The following LINGO1 variants were observed in gnomAD, a reference collection of about 807,000 sequenced individuals.
The protein encoded by LINGO1 is leucine rich repeat and Ig domain containing 1.
Under a neutral mutation model 37.3 loss-of-function variants are expected in LINGO1, and 11 were observed. The observed-to-expected ratio is 0.29, with a 90% CI of 0.19 to 0.49. The LOEUF (loss-of-function observed/expected upper bound fraction) is 0.49. LINGO1 is among the 20% of genes least tolerant of loss of function. LINGO1 has a pLI of 0.99. For missense variants in LINGO1, 585 were observed against 878.2 expected, an observed-to-expected ratio of 0.67 and a Z score of 4.22; for synonymous variants, 387 against 403.0, an observed-to-expected ratio of 0.96 and a Z score of 0.48.
chr15:77,630,680 G>C (rs972431805), intron 1 of LINGO1, among the ~76,000 whole-genome samples: 2 of 152,168 alleles, frequency 1.3e-5, no homozygotes, highest in Non-Finnish European at 2.9e-5. Context: ...GAACACTGCA[G>C]CTTTAACTAA....
intron 1 of LINGO1, among the ~76,000 whole-genome samples, chr15:77,747,478 G>C (rs2076325737): frequency 6.6e-6 from 1 of 152,160 alleles, no homozygotes; most frequent in African/African-American, 2.4e-5. Context: ...TACTTTTTCT[G>C]TAACCTCTCA....
intron 1 of LINGO1, among the ~76,000 whole-genome samples, chr15:77,774,313 C>G (rs959859156): frequency 3.3e-5 from 5 of 152,044 alleles, no homozygotes; most frequent in Non-Finnish European, 7.4e-5. Flanking sequence ...CAGCCAGACT[C>G]TGCCAACAGC....
At chr15:77,707,832 A>G (rs2075871018) in intron 2 of LINGO1, among the ~76,000 whole-genome samples, 1 of 152,110 alleles carries the variant, frequency 6.6e-6, no homozygotes, top group South Asian at 2.1e-4. Context: ...ACAGGCACCA[A>G]TCCAAGGTGG....
intron 3 of LINGO1, among the ~76,000 whole-genome samples, chr15:77,642,211 G>A (rs1253874932): frequency 6.6e-6 from 1 of 152,200 alleles, no homozygotes; most frequent in Non-Finnish European, 1.5e-5. Flanking sequence ...CCTGAGTCCA[G>A]GACAGCAGTG....
At chr15:77,734,816 CCCTA>C (rs2076187554) in intron 2 of LINGO1, among the ~76,000 whole-genome samples, 1 of 152,128 alleles carries the variant, frequency 6.6e-6, no homozygotes, top group African/African-American at 2.4e-5. Flanking sequence ...CCTTCCCACC[CCCTA>C]CCTCGCCCAG....
At chr15:77,634,589 G>C (rs1416888877), upstream of LINGO1, among the ~76,000 whole-genome samples, 1 of 152,198 alleles carries the variant, frequency 6.6e-6, no homozygotes, top group Non-Finnish European at 1.5e-5. Context: ...AACTGGACTC[G>C]TCTTCTATGG....
chr15:77,760,093 G>A (rs561105780), intron 1 of LINGO1, among the ~76,000 whole-genome samples: 33 of 152,216 alleles, frequency 2.2e-4, no homozygotes, highest in Non-Finnish European at 4.6e-4. Context: ...AAGACAGCGC[G>A]GCAATGACTC....
At chr15:77,652,721 T>TCCC (rs367702004) in intron 3 of LINGO1, among the ~76,000 whole-genome samples, 1 of 114,234 alleles carries the variant, frequency 8.8e-6, no homozygotes, top group African/African-American at 3.8e-5. Flanking sequence ...CACCAGGGAG[T>TCCC]CCTGGATTTT....
chr15:77,708,401 A>T (rs1308683925), intron 2 of LINGO1, among the ~76,000 whole-genome samples: 2 of 152,212 alleles, frequency 1.3e-5, no homozygotes, highest in Non-Finnish European at 2.9e-5. Flanking sequence ...GCAAGGGAAA[A>T]CCCACAGGGG....
At position 77,777,463 on chromosome 15, in the gene LINGO1, A is replaced by ACGCG. The variant is rs1341222417; in HGVS notation, c.-257+9405_-257+9406insCGCG. ...AAACAGATTTTGGACATATACACAC[A>ACGCG]CGCACACACACACACACACACACAC... On this transcript the variant is annotated intron_variant, in intron 1 of 3. Transcript: ENST00000561686. Among the ~76,000 whole-genome samples, 528 of 53,054 alleles carry ACGCG rather than the reference A, an allele frequency of 1.0e-2. 5 individuals are homozygous for ACGCG. The highest frequency in any genetic ancestry group is 0.028 in the African/African-American group (500 of 17,756). The allele number at this position is 53,054 out of a possible 152,430, so 34.8% of individuals were successfully genotyped here.
At chr15:77,779,197 T>C (rs551870339) in intron 1 of LINGO1, among the ~76,000 whole-genome samples, 1 of 152,142 alleles carries the variant, frequency 6.6e-6, no homozygotes, top group Non-Finnish European at 1.5e-5. Context: ...TGTATTTGTT[T>C]CTCCTTGACA....
intron 2 of LINGO1, among the ~76,000 whole-genome samples, chr15:77,793,330 T>A (rs922438281): frequency 6.6e-6 from 1 of 152,136 alleles, no homozygotes; most frequent in African/African-American, 2.4e-5. Context: ...TCCCCTCTAA[T>A]CACTGGAGCA....
intron 2 of LINGO1, among the ~76,000 whole-genome samples, chr15:77,687,982 C>T (rs143703003): frequency 5.7e-4 from 87 of 152,238 alleles, no homozygotes; most frequent in African/African-American, 2.1e-3. Context: ...CCCAGCGGCT[C>T]CTTGCTTTTA....
intron 1 of LINGO1, among the ~76,000 whole-genome samples, chr15:77,776,526 A>AGGGAGTAAGGG (rs1567577777): frequency 2.8e-5 from 1 of 35,754 alleles, no homozygotes; most frequent in African/African-American, 1.0e-4. Context: ...GGAAGGGAGG[A>AGGGAGTAAGGG]AGGGAGGGAG....
chr15:77,707,259 C>G (rs1254665055), intron 2 of LINGO1: 2 of 152,178 alleles, frequency 1.3e-5, no homozygotes, highest in Admixed American at 1.3e-4. Flanking sequence ...TGCTCCACCC[C>G]ACATTAGGCA....
intron 2 of LINGO1, among the ~76,000 whole-genome samples, chr15:77,733,126 A>G (rs4076997): frequency 0.13 from 19,615 of 152,146 alleles, 1,689 homozygotes; most frequent in African/African-American, 0.24. Context: ...CATCTAGGTC[A>G]GGACAAGCGC....
intron 2 of LINGO1, among the ~76,000 whole-genome samples, chr15:77,726,035 G>A (rs1277079733): frequency 5.9e-5 from 9 of 152,210 alleles, no homozygotes; most frequent in Non-Finnish European, 1.3e-4. Flanking sequence ...CACCCATGGT[G>A]AGAACTGCCT....
At chr15:77,668,782 C>T (rs543906387) in intron 3 of LINGO1, among the ~76,000 whole-genome samples, 2 of 144,526 alleles carry the variant, frequency 1.4e-5, no homozygotes, top group East Asian at 4.1e-4. Flanking sequence ...CTGGGGAGCT[C>T]ACAGGGGAAT....
chr15:77,746,020 G>C, intron 1 of LINGO1, among the ~76,000 whole-genome samples: 1 of 151,758 alleles, frequency 6.6e-6, no homozygotes, highest in Non-Finnish European at 1.5e-5. Flanking sequence ...GACCAGCCTG[G>C]GCAACAAAGT....
Sources: allele counts gnomAD v4.1 joint callset (sites outside exome capture counted in the v4.1 genomes callset), GRCh38; gene constraint gnomAD v4.1.1; transcripts MANE v1.5; gene names NCBI Gene and HGNC (gene_info 2026-07-23, HGNC 2026-07-21).